Variants in RYR2 observed in about 807,000 individuals in gnomAD.
RYR2 encodes cardiac muscle ryanodine receptor-calcium release channel.
Under a neutral mutation model 601.1 loss-of-function variants are expected in RYR2, and 227 were observed. The observed-to-expected ratio is 0.38, with a 90% CI of 0.34 to 0.42. The LOEUF (loss-of-function observed/expected upper bound fraction) is 0.42, where lower values mean the gene tolerates loss of function less well. Ranked by LOEUF, RYR2 falls within the 10% of genes least tolerant of loss-of-function variation. The pLI is 1.00. For missense variants in RYR2, 4,646 were observed against 6,156.5 expected (o/e 0.75, Z 8.21); for synonymous variants, 2,223 against 2,175.1 (o/e 1.02, Z -0.61).
chr1:237,650,298 C>T (rs974021623), intron 50 of RYR2, among the ~76,000 whole-genome samples: 4 of 152,118 alleles, frequency 2.6e-5, no homozygotes, highest in Admixed American at 2.6e-4. Context: ...TCCTCCAAGC[C>T]TCCCTAGGGT....
At chr1:237,053,261 G>T (rs906607238) in intron 1 of RYR2, among the ~76,000 whole-genome samples, 1 of 152,192 alleles carries the variant, frequency 6.6e-6, no homozygotes, top group African/African-American at 2.4e-5. Flanking sequence ...CAGCTTACAC[G>T]TCCTGGCTTG....
chr1:237,789,716 A>G (rs1658140915), intron 92 of RYR2, among the ~76,000 whole-genome samples: 2 of 152,256 alleles, frequency 1.3e-5, no homozygotes, highest in Non-Finnish European at 2.9e-5. Context: ...GTCAGGGTTC[A>G]CATGTTCTGT....
intron 1 of RYR2, among the ~76,000 whole-genome samples, chr1:237,058,707 A>G (rs542335909): frequency 6.7e-6 from 1 of 150,192 alleles, no homozygotes; most frequent in African/African-American, 2.4e-5. Flanking sequence ...ACTTGAGCCC[A>G]GAAGCTTGAG....
chr1:237,797,427 G>A (rs1659389904), intron 96 of RYR2, among the ~76,000 whole-genome samples: 1 of 152,130 alleles, frequency 6.6e-6, no homozygotes, highest in Non-Finnish European at 1.5e-5. Flanking sequence ...TTAGAAAGAT[G>A]GGCATTGTGG....
At chr1:237,451,580 C>T (rs1392808025) in intron 14 of RYR2, among the ~76,000 whole-genome samples, 1 of 120,018 alleles carries the variant, frequency 8.3e-6, no homozygotes. Flanking sequence ...AACTCTGTCT[C>T]AAAAAAAAAA....
intron 79 of RYR2, among the ~76,000 whole-genome samples, chr1:237,735,267 G>A (rs1691040847): frequency 6.6e-6 from 1 of 152,174 alleles, no homozygotes; most frequent in Non-Finnish European, 1.5e-5. Context: ...TGATTCAGAT[G>A]TGAACAGAAA....
intron 25 of RYR2, among the ~76,000 whole-genome samples, chr1:237,540,435 C>T (rs769291176): frequency 1.3e-5 from 2 of 149,916 alleles, no homozygotes; most frequent in South Asian, 2.1e-4. Context: ...GGGCTGAGCA[C>T]GGTGGCTCAT....
At chr1:237,345,638 A>T (rs1363515598) in intron 3 of RYR2, among the ~76,000 whole-genome samples, 2 of 152,082 alleles carry the variant, frequency 1.3e-5, no homozygotes, top group Non-Finnish European at 2.9e-5. Flanking sequence ...TTCCATCATT[A>T]TTCATGACTG....
At chr1:237,782,025 CCA>C (rs1273610225) in intron 89 of RYR2, among the ~76,000 whole-genome samples, 12 of 152,104 alleles carry the variant, frequency 7.9e-5, no homozygotes, top group Admixed American at 4.6e-4. Flanking sequence ...TTTGAAAAGA[CCA>C]CAGAGTCACT....
chr1:237,352,844 AT>A (rs1698974757), intron 3 of RYR2: 1 of 514,534 alleles, frequency 1.9e-6, no homozygotes, highest in Non-Finnish European at 3.9e-6. Flanking sequence ...TTTTTAATAA[AT>A]GGTCATTTGG....
intron 1 of RYR2, among the ~76,000 whole-genome samples, chr1:237,072,187 G>A (rs895441830): frequency 3.9e-5 from 6 of 152,260 alleles, no homozygotes; most frequent in East Asian, 3.9e-4. Flanking sequence ...CGTGCCCTCC[G>A]GCTCCATGGG....
At position 237,775,310 on chromosome 1, in the gene RYR2, G is replaced by A. The variant is rs959065894; in HGVS notation, c.11775+1662G>A. Among the ~76,000 whole-genome samples, 4 of 151,904 alleles carry A rather than the reference G, an allele frequency of 2.6e-5. No homozygotes were observed. In the East Asian group the frequency reaches 5.8e-4, roughly 22 times the overall value. On this transcript the variant is annotated intron_variant, in intron 87 of 104. Coordinates refer to ENST00000366574, the MANE Select transcript of RYR2 (RefSeq NM_001035.3). ...TTGTCAAAACTAAGAAATTAACATCGGCACATCCTGTTAACTAAATTACAG... is the reference window on the plus strand; with the variant it reads ...TTGTCAAAACTAAGAAATTAACATCAGCACATCCTGTTAACTAAATTACAG...
At chr1:237,809,384 C>G (rs1159795041) in intron 100 of RYR2, among the ~76,000 whole-genome samples, 1 of 152,158 alleles carries the variant, frequency 6.6e-6, no homozygotes, top group East Asian at 1.9e-4. Flanking sequence ...TTTTGTTCAC[C>G]TTAATGACTT....
At position 237,445,254 on chromosome 1, in the gene RYR2, A is replaced by G. The variant is rs1004021300; in HGVS notation, c.1171-147A>G. The G allele has an allele frequency of 8.3e-5, 73 of 880,174 alleles. No homozygotes were observed. In the African/African-American group the frequency reaches 1.2e-3, roughly 14 times the overall value. The allele number at this position is 880,174 out of a possible 1,614,324, so 54.5% of individuals were successfully genotyped here. A position where few individuals can be genotyped will look rare whatever the true frequency, so the allele number is the denominator to read the frequency against. ...TATAGGGAGCTGTGCATATGATTTTATCTGAACGTAACAGCTTCACAGTCC... is the reference window on the plus strand; with the variant it reads ...TATAGGGAGCTGTGCATATGATTTTGTCTGAACGTAACAGCTTCACAGTCC... On this transcript the variant is annotated intron_variant, in intron 13 of 104. Coordinates refer to ENST00000366574, the MANE Select transcript of RYR2 (RefSeq NM_001035.3).
At chr1:237,153,162 A>G (rs959716467) in intron 1 of RYR2, among the ~76,000 whole-genome samples, 1 of 152,208 alleles carries the variant, frequency 6.6e-6, no homozygotes, top group Admixed American at 6.5e-5. Context: ...GGTCTGGACA[A>G]AGAGTAGATG....
At chr1:237,092,622 T>G (rs754583302) in intron 1 of RYR2, among the ~76,000 whole-genome samples, 5 of 151,224 alleles carry the variant, frequency 3.3e-5, no homozygotes, top group Non-Finnish European at 5.9e-5. Context: ...CTCCGCCTCC[T>G]GGGTTCAAGT....
At chr1:237,303,101 C>G (rs1243835724) in intron 2 of RYR2, among the ~76,000 whole-genome samples, 1 of 152,010 alleles carries the variant, frequency 6.6e-6, no homozygotes, top group Non-Finnish European at 1.5e-5. Flanking sequence ...TACCCTTTGC[C>G]CATTCTTCGA....
At chr1:237,764,364 C>T (rs1207415194) in intron 84 of RYR2, among the ~76,000 whole-genome samples, 1 of 146,108 alleles carries the variant, frequency 6.8e-6, no homozygotes, top group Non-Finnish European at 1.5e-5. Flanking sequence ...TCATATTCTT[C>T]AGGGGCTTAC....
At chr1:237,246,676 T>C (rs1686881460) in intron 1 of RYR2, among the ~76,000 whole-genome samples, 1 of 152,196 alleles carries the variant, frequency 6.6e-6, no homozygotes, top group Non-Finnish European at 1.5e-5. Flanking sequence ...ACATTTGAAT[T>C]CCCAAGTAAC....
Sources: allele counts gnomAD v4.1 joint callset (sites outside exome capture counted in the v4.1 genomes callset), GRCh38; gene constraint gnomAD v4.1.1; transcripts MANE v1.5; gene names NCBI Gene and HGNC (gene_info 2026-07-23, HGNC 2026-07-21).